The following ANO4 variants were observed in gnomAD, a reference collection of about 807,000 sequenced individuals.
ANO4 encodes anoctamin 4, also known as anoctamin-4.
ANO4 carries 69 observed loss-of-function variants against 141.9 expected under a neutral mutation model. That is an observed-to-expected ratio of 0.49 (90% CI 0.40 to 0.59). ANO4 has a LOEUF of 0.59. ANO4 is among the 20% of genes least tolerant of loss of function. The pLI is 0.00. For missense variants in ANO4, 894 were observed against 1,162.2 expected (o/e 0.77, Z 3.36); for synonymous variants, 350 against 394.3 (o/e 0.89, Z 1.33).
At chr12:101,079,127 GAC>G in intron 14 of ANO4, 64 bp from the exon 15 acceptor site, 1 of 1,361,822 alleles carries the variant, frequency 7.3e-7, no homozygotes, top group Admixed American at 1.7e-5. Context: ...ATTATTCAGT[GAC>G]ACAGTTAAGA....
At chr12:100,882,465 A>T (rs1024264233) in intron 1 of ANO4, among the ~76,000 whole-genome samples, 1 of 152,094 alleles carries the variant, frequency 6.6e-6, no homozygotes, top group Non-Finnish European at 1.5e-5. Flanking sequence ...AGACCTCTAG[A>T]GGTTAATTAA....
intron 2 of ANO4, among the ~76,000 whole-genome samples, chr12:100,915,305 C>G (rs2041286756): frequency 6.6e-6 from 1 of 152,098 alleles, no homozygotes; most frequent in African/African-American, 2.4e-5. Flanking sequence ...AATATCACTG[C>G]TACCTATTCT....
At chr12:100,766,840 C>A (rs1181055359) in intron 3 of ANO4, among the ~76,000 whole-genome samples, 1 of 151,316 alleles carries the variant, frequency 6.6e-6, no homozygotes, top group Admixed American at 6.6e-5. Context: ...TTGTGTTTCT[C>A]TCTATTTCAC....
intron 11 of ANO4, 57 bp downstream of exon 11, chr12:101,040,133 G>C: frequency 6.6e-7 from 1 of 1,520,510 alleles, no homozygotes; most frequent in Non-Finnish European, 8.9e-7. Context: ...AGGGCAGACT[G>C]TCAGCTGGGA....
intron 5 of ANO4, among the ~76,000 whole-genome samples, chr12:100,949,110 G>A (rs1189275921): frequency 6.6e-6 from 1 of 152,160 alleles, no homozygotes; most frequent in African/African-American, 2.4e-5. Context: ...GCCAATAACT[G>A]AGAATCCTGG....
chr12:100,887,136 G>T (rs1414023452), intron 1 of ANO4, among the ~76,000 whole-genome samples: 1 of 152,202 alleles, frequency 6.6e-6, no homozygotes, highest in Non-Finnish European at 1.5e-5. Context: ...CTTATCATTT[G>T]ATGTTTCTGG....
chr12:100,997,206 T>TGC (rs1566106424), intron 8 of ANO4, among the ~76,000 whole-genome samples: 1 of 151,370 alleles, frequency 6.6e-6, no homozygotes. Flanking sequence ...TGGTTGCGCG[T>TGC]GCCTTTAATC....
In ANO4 at chr12:101,128,402, T is replaced by C. The variant is rs1593343304; in HGVS notation, c.*546T>C. The C allele has an allele frequency of 6.6e-6, 1 of 152,640 alleles. No homozygotes were observed. The highest frequency in any genetic ancestry group is 2.1e-4 in the South Asian group (1 of 4,832). The allele number at this position is 152,640 out of a possible 1,614,324, so 9.5% of individuals were successfully genotyped here. A position where few individuals can be genotyped will look rare whatever the true frequency, so the allele number is the denominator to read the frequency against. On this transcript the variant is annotated 3_prime_UTR_variant, in exon 28 of 28. Transcript: ENST00000392977. ...TATGACATATCTATAGCTATGTGTA[T>C]GGCCATAGATGTATTTCTGTGTGTA... is the stretch of plus-strand genomic sequence containing the variant.
At chr12:100,930,868 A>G (rs998215854) in intron 3 of ANO4, among the ~76,000 whole-genome samples, 2 of 152,118 alleles carry the variant, frequency 1.3e-5, no homozygotes, top group Non-Finnish European at 2.9e-5. Context: ...TGGTATAGGT[A>G]GGGGTAGAAG....
At chr12:100,722,564 G>C (rs1465335877) in intron 1 of ANO4, among the ~76,000 whole-genome samples, 1 of 152,106 alleles carries the variant, frequency 6.6e-6, no homozygotes, top group East Asian at 1.9e-4. Flanking sequence ...TTCTCTGTCT[G>C]ACTTGGTGCT....
chr12:100,948,834 C>G (rs2042852731), intron 5 of ANO4, among the ~76,000 whole-genome samples: 2 of 152,140 alleles, frequency 1.3e-5, no homozygotes, highest in Non-Finnish European at 2.9e-5. Flanking sequence ...TAGAATATGG[C>G]TTTTGCTATC....
chr12:100,919,359 G>A (rs2136093854), intron 2 of ANO4, among the ~76,000 whole-genome samples: 1 of 152,206 alleles, frequency 6.6e-6, no homozygotes, highest in South Asian at 2.1e-4. Context: ...CTCCATTCAT[G>A]GTAAATGCCC....
At chr12:100,780,677 G>C (rs1210856956) in intron 3 of ANO4, among the ~76,000 whole-genome samples, 1 of 152,058 alleles carries the variant, frequency 6.6e-6, no homozygotes, top group Non-Finnish European at 1.5e-5. Context: ...GCTACATCCT[G>C]TTTTGATCAA....
chr12:100,878,452 C>T (rs1451209731), intron 1 of ANO4, among the ~76,000 whole-genome samples: 1 of 152,154 alleles, frequency 6.6e-6, no homozygotes, highest in Non-Finnish European at 1.5e-5. Flanking sequence ...AATATCAACA[C>T]TCACTGAGAT....
chr12:100,842,890 A>G (rs779453817), intron 1 of ANO4, among the ~76,000 whole-genome samples: 2 of 152,182 alleles, frequency 1.3e-5, no homozygotes, highest in Non-Finnish European at 2.9e-5. Flanking sequence ...TTAAGTTTCA[A>G]CAAGACTTTT....
chr12:101,063,198 C>A (rs991503408), intron 14 of ANO4, among the ~76,000 whole-genome samples: 1 of 152,212 alleles, frequency 6.6e-6, no homozygotes, highest in African/African-American at 2.4e-5. Context: ...CTTTGGCTTG[C>A]CCTCCGTGGG....
At chr12:100,732,776 A>G in intron 1 of ANO4, among the ~76,000 whole-genome samples, 1 of 152,174 alleles carries the variant, frequency 6.6e-6, no homozygotes, top group East Asian at 1.9e-4. Context: ...TGGGCACGGC[A>G]CTCAGCCACC....
chr12:100,922,414 G>C lies in ANO4; in HGVS notation c.160+84G>C, dbSNP rs2041672728. The C allele has an allele frequency of 9.2e-6, 8 of 871,302 alleles. No homozygotes were observed. In the South Asian group the frequency reaches 1.5e-4, roughly 17 times the overall value. 54.0% of individuals were successfully genotyped at this position (871,302 alleles called of 1,614,324 possible). On this transcript the variant is annotated intron_variant, in intron 3 of 27. Transcript: ENST00000392977. ...GAGGGGTAATAAACTAGAAACCTTA[G>C]ATGTCAAGCTTTAAAAAATATTAAC...
chr12:101,010,725 T>A (rs1371544657), intron 8 of ANO4, among the ~76,000 whole-genome samples: 1 of 152,212 alleles, frequency 6.6e-6, no homozygotes, highest in African/African-American at 2.4e-5. Flanking sequence ...AAAAGTCTAA[T>A]TAAGAAAGTT....
Sources: gnomAD v4.1 joint callset for allele counts (sites outside exome capture counted in the v4.1 genomes callset) on GRCh38, gnomAD v4.1.1 for gene constraint, MANE v1.5 for transcripts, NCBI Gene and HGNC (gene_info 2026-07-23, HGNC 2026-07-21) for gene names.